PDE10A: variants seen among roughly 807,000 people sequenced by gnomAD.
PDE10A encodes the protein phosphodiesterase 10A.
Under a neutral mutation model 97.7 loss-of-function variants are expected in PDE10A, and 39 were observed. The ratio of observed to expected loss-of-function variants is 0.40; its 90% CI spans 0.31 to 0.52. PDE10A has a LOEUF of 0.52. PDE10A is among the 20% of genes least tolerant of loss of function. The pLI is 0.56. For synonymous variants in PDE10A, 371 were observed against 376.8 expected (o/e 0.98, Z 0.18); for missense variants, 731 against 1,047.8 (o/e 0.70, Z 4.17).
chr6:165,686,884 T>C (rs999434198), intron 1 of PDE10A, among the ~76,000 whole-genome samples: 2 of 152,236 alleles, frequency 1.3e-5, no homozygotes, highest in Non-Finnish European at 2.9e-5. Context: ...AGCCACCTTC[T>C]CCACTAAATG....
intron 1 of PDE10A, among the ~76,000 whole-genome samples, chr6:165,707,051 G>A (rs139222423): frequency 1.3e-4 from 20 of 152,270 alleles, no homozygotes; most frequent in African/African-American, 4.3e-4. Flanking sequence ...TTTTTAAGTC[G>A]ATTGCTTAAA....
intron 1 of PDE10A, among the ~76,000 whole-genome samples, chr6:165,624,262 T>G (rs1459552404): frequency 6.6e-6 from 1 of 152,196 alleles, no homozygotes; most frequent in African/African-American, 2.4e-5. Context: ...CTGGTCTCTC[T>G]CGCTCCCCAC....
intron 18 of PDE10A, among the ~76,000 whole-genome samples, chr6:165,344,851 G>A (rs1232099419): frequency 2.6e-5 from 4 of 152,052 alleles, no homozygotes; most frequent in Admixed American, 6.6e-5. Context: ...TACAAACATT[G>A]GTTAGATTTA....
chr6:165,492,205 A>T (rs1332318046), intron 2 of PDE10A, among the ~76,000 whole-genome samples: 1 of 152,198 alleles, frequency 6.6e-6, no homozygotes, highest in Non-Finnish European at 1.5e-5. Context: ...AGCGAGATTG[A>T]AATGGTAATT....
intron 18 of PDE10A, among the ~76,000 whole-genome samples, chr6:165,344,713 G>A (rs1027658967): frequency 7.9e-5 from 12 of 152,300 alleles, no homozygotes; most frequent in Non-Finnish European, 1.6e-4. Context: ...CGATCACAGA[G>A]TTCTTTATTT....
chr6:165,845,541 T>C (rs1234620654), intron 1 of PDE10A, among the ~76,000 whole-genome samples: 3 of 152,228 alleles, frequency 2.0e-5, no homozygotes, highest in Admixed American at 2.0e-4. Flanking sequence ...AACCCACTTA[T>C]GTGGGAAAAC....
intron 1 of PDE10A, among the ~76,000 whole-genome samples, chr6:165,691,908 T>G (rs1562688020): frequency 1.3e-5 from 2 of 152,202 alleles, no homozygotes; most frequent in Non-Finnish European, 2.9e-5. Flanking sequence ...GGTACATCCT[T>G]GTGGAATTGA....
chr6:165,429,419 G>A (rs1271142922), intron 9 of PDE10A, among the ~76,000 whole-genome samples: 1 of 152,010 alleles, frequency 6.6e-6, no homozygotes, highest in Non-Finnish European at 1.5e-5. Context: ...TATCCAAGGG[G>A]AGCTTTTTCA....
At chr6:165,892,870 G>C (rs775772148) in intron 1 of PDE10A, among the ~76,000 whole-genome samples, 1 of 152,124 alleles carries the variant, frequency 6.6e-6, no homozygotes. Context: ...GAGAGGAATC[G>C]AGGCATTGAG....
rs115857100 is a variant in PDE10A, at chr6:165,692,391, C to A, written c.-614-148823G>T. Among the ~76,000 whole-genome samples, 1,110 of 152,322 alleles carry A rather than the reference C, an allele frequency of 7.3e-3. 11 individuals carry two copies. The highest frequency in any genetic ancestry group is 0.025 in the African/African-American group (1,045 of 41,568). On this transcript the variant is annotated intron_variant, in intron 1 of 19. Coordinates refer to the PDE10A transcript ENST00000366882. ...AGGGTTTCCCACGTCTTCAGCATCA[C>A]ACATTGGGCCCTCCAGCCTCTGCCC... is the stretch of plus-strand genomic sequence containing the variant.
At chr6:165,659,337 C>T (rs2983531) in intron 1 of PDE10A, among the ~76,000 whole-genome samples, 12,765 of 152,076 alleles carry the variant, frequency 0.084, 593 homozygotes, top group Non-Finnish European at 0.11. Context: ...TTTGGCCATT[C>T]TAAAATTTTT....
intron 1 of PDE10A, among the ~76,000 whole-genome samples, chr6:165,546,566 A>G (rs1364898329): frequency 6.6e-6 from 1 of 152,078 alleles, no homozygotes. Flanking sequence ...AACCTATAGA[A>G]CTTTGAAAAT....
At chr6:165,798,853 A>G (rs1194762456) in intron 1 of PDE10A, among the ~76,000 whole-genome samples, 1 of 152,054 alleles carries the variant, frequency 6.6e-6, no homozygotes, top group Non-Finnish European at 1.5e-5. Flanking sequence ...GATTACAAGC[A>G]CGTGCCACCA....
At chr6:165,395,710 A>G (rs1348821392) in intron 14 of PDE10A, among the ~76,000 whole-genome samples, 1 of 152,166 alleles carries the variant, frequency 6.6e-6, no homozygotes, top group African/African-American at 2.4e-5. Flanking sequence ...TCATTTGCTA[A>G]TTTAGTTACC....
chr6:165,605,935 G>A (rs1161802508), intron 1 of PDE10A, among the ~76,000 whole-genome samples: 1 of 151,924 alleles, frequency 6.6e-6, no homozygotes, highest in East Asian at 1.9e-4. Context: ...ATACGCACTG[G>A]CTTGAATTTC....
At chr6:165,568,529 G>A (rs899595525) in intron 1 of PDE10A, among the ~76,000 whole-genome samples, 3 of 152,108 alleles carry the variant, frequency 2.0e-5, no homozygotes, top group African/African-American at 2.4e-5. Flanking sequence ...TTTGTCCAGC[G>A]TCTCCATGCT....
chr6:165,696,249 G>A (rs2128442807), intron 1 of PDE10A, among the ~76,000 whole-genome samples: 1 of 152,282 alleles, frequency 6.6e-6, no homozygotes, highest in Middle Eastern at 3.4e-3. Flanking sequence ...TTTATCCCAG[G>A]TTTTACTTTT....
At chr6:165,416,897 G>T (rs2128229540) in intron 11 of PDE10A, among the ~76,000 whole-genome samples, 1 of 152,114 alleles carries the variant, frequency 6.6e-6, no homozygotes, top group Admixed American at 6.5e-5. Context: ...AAAATACAAG[G>T]ATTGTCTGTT....
At chr6:165,786,157 C>T (rs1778487462) in intron 1 of PDE10A, among the ~76,000 whole-genome samples, 1 of 152,174 alleles carries the variant, frequency 6.6e-6, no homozygotes. Context: ...AAGACCTAAT[C>T]TCAGCATTTA....
Sources: allele counts gnomAD v4.1 joint callset (sites outside exome capture counted in the v4.1 genomes callset), GRCh38; gene constraint gnomAD v4.1.1; transcripts MANE v1.5; gene names NCBI Gene and HGNC (gene_info 2026-07-23, HGNC 2026-07-21).